The following PFKFB1 variants were observed in gnomAD, a reference collection of about 807,000 sequenced individuals.
The protein encoded by PFKFB1 is 6-phosphofructo-2-kinase/fructose-2,6-biphosphatase 1, also known as 6-phosphofructo-2-kinase/fructose-2,6-bisphosphatase 1.
In PFKFB1, 34 loss-of-function variants were observed where a neutral mutation model predicts 46.4. The ratio of observed to expected loss-of-function variants is 0.73; its 90% CI spans 0.56 to 0.98. PFKFB1 has a LOEUF of 0.98. PFKFB1 is among the 50% of genes least tolerant of loss of function. The pLI, the probability that PFKFB1 is intolerant of heterozygous loss-of-function variation, is 0.00. For synonymous variants in PFKFB1, 119 were observed against 133.8 expected (o/e 0.89, Z 0.76); for missense variants, 393 against 376.3 (o/e 1.04, Z -0.37).
chrX:54,936,559 G>T (rs1328606342), intron 11 of PFKFB1, among the ~76,000 whole-genome samples: 1 of 111,405 alleles, frequency 9.0e-6, no homozygotes, highest in African/African-American at 3.3e-5. Flanking sequence ...ACCTTTCTGG[G>T]TCTCCCATTT....
rs916627232 is a variant in PFKFB1, at chrX:54,952,183, C to T, written c.639-71G>A. On this transcript the variant is annotated intron_variant, in intron 7 of 13. Transcript: ENST00000375006. Reference sequence around the variant, plus strand: ...GTGGTAGGGTTGACCCCGAGAGAAACCCCGAACCACACACCCTTTCAAACC... The same window carrying T: ...GTGGTAGGGTTGACCCCGAGAGAAATCCCGAACCACACACCCTTTCAAACC... The T allele has an allele frequency of 8.7e-6, 7 of 804,163 alleles. No homozygotes were observed. In the African/African-American group the frequency reaches 1.2e-4, roughly 14 times the overall value. The allele number at this position is 804,163 out of a possible 1,213,427, so 66.3% of individuals were successfully genotyped here. A position where few individuals can be genotyped will look rare whatever the true frequency, so the allele number is the denominator to read the frequency against.
chrX:54,959,890 C>T lies in PFKFB1; in HGVS notation c.321G>A (p.Gln107=). 8.4e-7 allele frequency: 1 copy of T among 1,196,338 alleles called. No homozygotes were observed. Among genetic ancestry groups the T allele is most frequent in the South Asian group, 1.8e-5 (1 of 55,954 alleles). ...CATCCTTCAGGGCTGCCAGGGCGCA[C>T]TGCCTGAAATAGACCAGGAAAGAAA... ...DNMEALQIRK[Q]CALAALKDVH... is the part of the protein sequence containing the mutation. Residue 107 remains glutamine (Q), a synonymous_variant, in exon 4 of 14, where the codon CAG becomes CAA. Transcript: ENST00000375006.
rs371939040 is a variant in PFKFB1, at chrX:54,935,674, C to T, written c.1229-665G>A. 8.9e-5 allele frequency among the ~76,000 whole-genome samples: 10 copies of T among 111,843 alleles called. No individual in the cohort carries two copies. The South Asian group carries it at 1.1e-3, about 13-fold the overall frequency. On this transcript the variant is annotated intron_variant, in intron 11 of 13. Coordinates refer to ENST00000375006, the MANE Select transcript of PFKFB1 (RefSeq NM_002625.4). ...AGGCCTTGAGAGGGAAAATGCTCTC[C>T]GCAAGTCACACAGCCAGGAAGCAGC...
chrX:54,997,261 T>C (rs182528555), upstream of PFKFB1, among the ~76,000 whole-genome samples: 12 of 111,908 alleles, frequency 1.1e-4, no homozygotes, highest in Non-Finnish European at 2.1e-4. Flanking sequence ...GAAAGGTTTC[T>C]CTACCTTGAA....
At chrX:54,937,790 C>T (rs759403289) in intron 10 of PFKFB1, 66 bp from the exon 11 acceptor site, 1 of 1,029,835 alleles carries the variant, frequency 9.7e-7, no homozygotes, top group Non-Finnish European at 1.3e-6. Context: ...AGGGGAAGAA[C>T]TCTAAACTAG....
At chrX:54,972,902 C>T (rs1281711387) in intron 1 of PFKFB1, among the ~76,000 whole-genome samples, 1 of 111,615 alleles carries the variant, frequency 9.0e-6, no homozygotes, top group Non-Finnish European at 1.9e-5. Context: ...GGAATAGTTT[C>T]AGACGGAATG....
At chrX:54,937,921 T>C (rs1033413383) in intron 10 of PFKFB1, among the ~76,000 whole-genome samples, 197 bp from the exon 11 acceptor site, 1 of 112,173 alleles carries the variant, frequency 8.9e-6, no homozygotes, top group African/African-American at 3.2e-5. Context: ...GCTATCAATA[T>C]AGTGGACCAA....
intron 10 of PFKFB1, among the ~76,000 whole-genome samples, chrX:54,938,514 G>A (rs369151479): frequency 1.8e-5 from 2 of 111,358 alleles, no homozygotes; most frequent in African/African-American, 6.5e-5. Context: ...CACATGCAGT[G>A]ACACACATAG....
chrX:54,962,162 G>T (rs1934333238), intron 2 of PFKFB1, among the ~76,000 whole-genome samples: 1 of 111,137 alleles, frequency 9.0e-6, no homozygotes, highest in Non-Finnish European at 1.9e-5. Context: ...CCATGATGGG[G>T]CCCTTAAGGC....
At chrX:54,938,831 T>C (rs764926041) in intron 10 of PFKFB1, among the ~76,000 whole-genome samples, 5,137 of 111,131 alleles carry the variant, frequency 0.046, 319 homozygotes, top group African/African-American at 0.16. Context: ...GACAGATCAA[T>C]GAGACAGAAA....
At chrX:54,983,447 T>G (rs766331738) in intron 1 of PFKFB1, among the ~76,000 whole-genome samples, 22 of 111,850 alleles carry the variant, frequency 2.0e-4, no homozygotes, top group Admixed American at 1.8e-3. Flanking sequence ...TCCTTTTAGG[T>G]TGCTAAGTAT....
chrX:54,976,699 T>C (rs1486188957), intron 1 of PFKFB1, among the ~76,000 whole-genome samples: 2 of 111,764 alleles, frequency 1.8e-5, no homozygotes, highest in Admixed American at 1.9e-4. Flanking sequence ...AGAATATTTA[T>C]GGAGCCTTAC....
intron 1 of PFKFB1, among the ~76,000 whole-genome samples, chrX:54,965,204 A>G (rs1934441991): frequency 8.9e-6 from 1 of 111,827 alleles, no homozygotes; most frequent in Non-Finnish European, 1.9e-5. Flanking sequence ...AACACCAACC[A>G]GGGTAAATAC....
chrX:54,937,065 T>A (rs761880950), intron 11 of PFKFB1, among the ~76,000 whole-genome samples: 54 of 111,325 alleles, frequency 4.9e-4, no homozygotes, highest in African/African-American at 1.7e-3. Flanking sequence ...CATATTTTTT[T>A]AAAAATAAAT....
chrX:54,955,491 T>TA (rs1036961273), intron 7 of PFKFB1, among the ~76,000 whole-genome samples: 11 of 111,283 alleles, frequency 9.9e-5, no homozygotes, highest in Admixed American at 4.8e-4. Context: ...TGTTTTTTTT[T>TA]ATGGGTCTTC....
chrX:54,973,319 G>GT (rs1234089864), intron 1 of PFKFB1, among the ~76,000 whole-genome samples: 2 of 111,248 alleles, frequency 1.8e-5, no homozygotes, highest in African/African-American at 3.3e-5. Context: ...TTTTTGAAGG[G>GT]TTTTTTGTGT....
At chrX:54,966,041 G>T (rs1436437203) in intron 1 of PFKFB1, among the ~76,000 whole-genome samples, 2 of 111,110 alleles carry the variant, frequency 1.8e-5, no homozygotes, top group Non-Finnish European at 3.8e-5. Context: ...AAAACATCAA[G>T]AACAAATATA....
intron 9 of PFKFB1, among the ~76,000 whole-genome samples, chrX:54,948,835 T>C (rs1002279358): frequency 8.9e-6 from 1 of 112,133 alleles, no homozygotes; most frequent in Non-Finnish European, 1.9e-5. Context: ...TAGCCCTTTG[T>C]CACACTGAGA....
intron 8 of PFKFB1, 45 bp downstream of exon 8, chrX:54,951,860 A>AG (rs1171379897): frequency 2.7e-5 from 30 of 1,096,866 alleles, no homozygotes; most frequent in Non-Finnish European, 3.7e-5. Context: ...CAGCCCACCT[A>AG]GGACAGCCCA....
Sources: gnomAD v4.1 joint callset for allele counts (sites outside exome capture counted in the v4.1 genomes callset) on GRCh38, gnomAD v4.1.1 for gene constraint, MANE v1.5 for transcripts, NCBI Gene and HGNC (gene_info 2026-07-23, HGNC 2026-07-21) for gene names.